CELF2: variants seen among roughly 807,000 people sequenced by gnomAD.
CELF2 encodes CUG triplet repeat RNA-binding protein 2.
A neutral mutation model predicts 62.6 loss-of-function variants in CELF2; 8 were observed. The ratio of observed to expected loss-of-function variants is 0.13; its 90% confidence interval spans 0.07 to 0.23. The LOEUF is 0.23. Ranked by LOEUF, CELF2 falls within the 10% of genes least tolerant of loss-of-function variation. The pLI is 1.00. For synonymous variants in CELF2, 258 were observed against 250.0 expected, an observed-to-expected ratio of 1.03 and a Z score of -0.30; for missense variants, 333 against 671.0, an observed-to-expected ratio of 0.50 and a Z score of 5.56.
the CELF2 span, among the ~76,000 whole-genome samples, chr10:10,587,864 G>A: frequency 3.3e-5 from 5 of 152,124 alleles, no homozygotes; most frequent in East Asian, 3.9e-4. Flanking sequence ...TGGCTCTGTG[G>A]GCTTGGTGAG....
intron 1 of CELF2, among the ~76,000 whole-genome samples, chr10:10,880,925 T>G (rs770712484): frequency 4.6e-5 from 7 of 152,202 alleles, no homozygotes; most frequent in Non-Finnish European, 8.8e-5. Context: ...CTCAAAGGAT[T>G]CAAGGACTAC....
At chr10:10,855,855 A>G (rs770433361) in intron 1 of CELF2, among the ~76,000 whole-genome samples, 1 of 152,188 alleles carries the variant, frequency 6.6e-6, no homozygotes, top group Non-Finnish European at 1.5e-5. Context: ...AGTAGATATT[A>G]GGTATCTAAC....
intron 8 of CELF2, among the ~76,000 whole-genome samples, chr10:11,284,773 G>GTGGA (rs1451390207): frequency 1.1e-4 from 17 of 150,306 alleles, no homozygotes; most frequent in Admixed American, 8.6e-4. Flanking sequence ...AGATATGTGG[G>GTGGA]TGGATGGATG....
intron 1 of CELF2, among the ~76,000 whole-genome samples, chr10:11,052,034 TGGCTGG>T (rs1265517665): frequency 6.6e-6 from 1 of 151,824 alleles, no homozygotes; most frequent in Non-Finnish European, 1.5e-5. Flanking sequence ...GCCTCCCAAG[TGGCTGG>T]GGCTACAGGT....
At chr10:11,273,097 A>G (rs2084467926) in intron 7 of CELF2, among the ~76,000 whole-genome samples, 1 of 151,944 alleles carries the variant, frequency 6.6e-6, no homozygotes, top group Non-Finnish European at 1.5e-5. Flanking sequence ...TGGGCAGGGA[A>G]TGGAGAGGGA....
chr10:10,955,877 A>C (rs1361037411), intron 2 of CELF2, among the ~76,000 whole-genome samples: 1 of 152,202 alleles, frequency 6.6e-6, no homozygotes, highest in Non-Finnish European at 1.5e-5. Flanking sequence ...GAGGAAACGG[A>C]AGCTCCAAGA....
chr10:11,228,355 T>C (rs1324139333), intron 3 of CELF2, among the ~76,000 whole-genome samples: 2 of 152,226 alleles, frequency 1.3e-5, no homozygotes, highest in African/African-American at 4.8e-5. Flanking sequence ...AGGTAGTAAT[T>C]TGTCTTCCTT....
intron 2 of CELF2, among the ~76,000 whole-genome samples, chr10:11,202,951 CTGTGTGTGTGTG>C (rs3055302): frequency 1.9e-5 from 1 of 53,850 alleles, no homozygotes; most frequent in Admixed American, 2.3e-4. Flanking sequence ...CTCTCTCTCT[CTGTGTGTGTGTG>C]TGTGTGTGTA....
chr10:10,975,477 G>A (rs2051221632), intron 2 of CELF2, among the ~76,000 whole-genome samples: 1 of 152,134 alleles, frequency 6.6e-6, no homozygotes, highest in South Asian at 2.1e-4. Flanking sequence ...GAAAGATCCA[G>A]GGATCAGAAG....
At chr10:10,518,726 TA>T in the CELF2 span, among the ~76,000 whole-genome samples, 17 of 151,004 alleles carry the variant, frequency 1.1e-4, no homozygotes, top group Admixed American at 2.6e-4. Context: ...GATTTTTTTT[TA>T]AAAAAAAATG....
rs1224003527 is a variant in CELF2, at chr10:10,936,320, G to A, written c.89+16321G>A. On this transcript the variant is annotated intron_variant, in intron 2 of 13. Coordinates refer to the CELF2 transcript ENST00000636488. This position sits in a 1 kb window ranked among gnomAD's most constrained non-coding sequence, Gnocchi z 4.0. Reference sequence around the variant, plus strand: ...AGATCACAGAGTAATCTGCATAATTGTGCAAAAATTCTCATGTTACATGAC... The same window carrying A: ...AGATCACAGAGTAATCTGCATAATTATGCAAAAATTCTCATGTTACATGAC... Among the ~76,000 whole-genome samples the A allele has an allele frequency of 1.3e-5, 2 of 152,156 alleles. No homozygotes were observed. Among genetic ancestry groups the A allele is most frequent in the Non-Finnish European group, 2.9e-5 (2 of 68,030 alleles).
chr10:11,053,668 G>A (rs1368005567), intron 1 of CELF2, among the ~76,000 whole-genome samples: 2 of 142,760 alleles, frequency 1.4e-5, no homozygotes, highest in Non-Finnish European at 3.0e-5. Flanking sequence ...AGGCTGGAGT[G>A]CAGTGGCGTG....
At chr10:10,876,246 A>G (rs532445780) in intron 1 of CELF2, among the ~76,000 whole-genome samples, 3 of 152,290 alleles carry the variant, frequency 2.0e-5, no homozygotes, top group South Asian at 4.2e-4. Context: ...CCCTATAAAT[A>G]TGTTAGGAGA....
At chr10:10,886,390 C>A (rs901222471) in intron 1 of CELF2, among the ~76,000 whole-genome samples, 1 of 152,168 alleles carries the variant, frequency 6.6e-6, no homozygotes, top group Non-Finnish European at 1.5e-5. Context: ...TTTTAGAACT[C>A]TCACTGAACA....
At chr10:10,770,719 A>AAATTCTTTCT in the CELF2 span, among the ~76,000 whole-genome samples, 12,123 of 149,108 alleles carry the variant, frequency 0.081, 694 homozygotes, top group East Asian at 0.19. Flanking sequence ...TTTCTTCTTC[A>AAATTCTTTCT]TCAAATTGTA....
the CELF2 span, among the ~76,000 whole-genome samples, chr10:10,634,666 C>CTTTTTTT: frequency 1.4e-5 from 2 of 140,990 alleles, no homozygotes; most frequent in Non-Finnish European, 1.5e-5. Flanking sequence ...CTTTTCTTTT[C>CTTTTTTT]TTTTTTTTTT....
intron 1 of CELF2, among the ~76,000 whole-genome samples, chr10:11,148,766 A>C (rs1401756486): frequency 6.6e-6 from 1 of 152,018 alleles, no homozygotes; most frequent in Non-Finnish European, 1.5e-5. Flanking sequence ...TTGTTAATTA[A>C]GCGGGGGAAG....
chr10:11,221,068 A>G (rs971752072), intron 3 of CELF2, among the ~76,000 whole-genome samples: 2 of 152,260 alleles, frequency 1.3e-5, no homozygotes, highest in African/African-American at 4.8e-5. Context: ...CCTAGTAAGT[A>G]GAGCCTTTGT....
intron 1 of CELF2, among the ~76,000 whole-genome samples, chr10:11,150,917 A>G (rs1409330728): frequency 1.3e-5 from 2 of 152,222 alleles, no homozygotes; most frequent in African/African-American, 4.8e-5. Context: ...AACAGTAATT[A>G]TTTCAGTAGT....
Sources: allele counts gnomAD v4.1 joint callset (sites outside exome capture counted in the v4.1 genomes callset), GRCh38; gene constraint gnomAD v4.1.1; non-coding constraint Gnocchi (gnomAD v3.1); transcripts MANE v1.5; gene names NCBI Gene and HGNC (gene_info 2026-07-23, HGNC 2026-07-21).